The following DNAH12 variants were observed in gnomAD, a reference collection of about 807,000 sequenced individuals.
DNAH12 encodes the protein dynein axonemal heavy chain 12.
In DNAH12, 285 loss-of-function variants were observed where a neutral mutation model predicts 371.5. The observed-to-expected ratio is 0.77, with a 90% confidence interval of 0.70 to 0.85. The LOEUF (loss-of-function observed/expected upper bound fraction) is 0.85. Ranked by LOEUF, DNAH12 falls within the 40% of genes least tolerant of loss-of-function variation. The pLI is 0.00. For missense variants in DNAH12, 3,611 were observed against 3,689.4 expected, an observed-to-expected ratio of 0.98 and a Z score of 0.55; for synonymous variants, 1,200 against 1,213.0, an observed-to-expected ratio of 0.99 and a Z score of 0.22.
At chr3:57,335,170 G>A (rs190936138) in intron 60 of DNAH12, among the ~76,000 whole-genome samples, 80 of 152,268 alleles carry the variant, frequency 5.3e-4, no homozygotes, top group African/African-American at 1.3e-3. Context: ...GGTGATCCCC[G>A]TTCCTCAGCA....
At chr3:57,509,340 CT>C in intron 5 of DNAH12, 128 bp from the exon 6 acceptor site, 1 of 842,496 alleles carries the variant, frequency 1.2e-6, no homozygotes, top group Non-Finnish European at 1.8e-6. Flanking sequence ...GAAAAAACTC[CT>C]TTATTTGAAA....
At chr3:57,299,489 CAA>C (rs1046202105) in intron 70 of DNAH12, among the ~76,000 whole-genome samples, 1 of 144,676 alleles carries the variant, frequency 6.9e-6, no homozygotes, top group Admixed American at 6.8e-5. Context: ...AGGCAGTGTG[CAA>C]AAAGTTTTTT....
rs1399169338 is a variant in DNAH12 at position 57,421,593 on chromosome 3, G to C, written c.5487C>G (p.Asn1829Lys). The change falls in exon 36 of 74, where the codon AAC becomes AAG. Residue 1829 changes from asparagine to lysine, a missense_variant. By Grantham distance (94) the Asn-to-Lys change is moderately conservative. Around this residue, in one of 3 missense-constraint regions of DNAH12, gnomAD observed 2,266 missense variants for 2,236.9 expected, o/e 1.01. Transcript: ENST00000495027. ...ATTTACCCACAGAATCTGGCACTGG[G>C]TTTTCATCATCTTTTCCCAGTATGA... ...RLIILGKDDENPVPDSVGKWE... is the reference protein window; with the variant it reads ...RLIILGKDDEKPVPDSVGKWE... 1.9e-5 allele frequency: 29 copies of C among 1,551,424 alleles called. No homozygotes were observed. The highest frequency in any genetic ancestry group is 2.1e-5 in the Non-Finnish European group (24 of 1,146,988).
intron 13 of DNAH12, among the ~76,000 whole-genome samples, chr3:57,479,463 A>G (rs1261428369): frequency 6.6e-6 from 1 of 152,154 alleles, no homozygotes; most frequent in African/African-American, 2.4e-5. Flanking sequence ...CTCCCACACA[A>G]TAATAATGGG....
chr3:57,419,752 C>G (rs2064507963), intron 36 of DNAH12, among the ~76,000 whole-genome samples: 1 of 152,036 alleles, frequency 6.6e-6, no homozygotes, highest in Admixed American at 6.5e-5. Flanking sequence ...TTTCAATTTT[C>G]ATTTTTAATA....
At chr3:57,535,516 C>T (rs1328978524) in intron 2 of DNAH12, among the ~76,000 whole-genome samples, 4 of 152,048 alleles carry the variant, frequency 2.6e-5, no homozygotes, top group Admixed American at 2.6e-4. Context: ...GCTAAATAAA[C>T]CTCTATTTTT....
chr3:57,346,036 G>C (rs1259710799), intron 60 of DNAH12, among the ~76,000 whole-genome samples: 2 of 152,038 alleles, frequency 1.3e-5, no homozygotes, highest in Non-Finnish European at 2.9e-5. Context: ...CAAATAGCTA[G>C]AAGAGAGAAT....
At chr3:57,442,595 A>G (rs1197529654) in intron 29 of DNAH12, among the ~76,000 whole-genome samples, 1 of 152,240 alleles carries the variant, frequency 6.6e-6, no homozygotes, top group Admixed American at 6.5e-5. Flanking sequence ...AGTAAAACAA[A>G]TACAGAACCC....
intron 59 of DNAH12, among the ~76,000 whole-genome samples, chr3:57,353,533 A>T (rs1299451677): frequency 6.6e-6 from 1 of 152,134 alleles, no homozygotes; most frequent in Non-Finnish European, 1.5e-5. Context: ...AAAATTTTTA[A>T]AAACTAAACT....
At chr3:57,401,393 C>CAAAAA in intron 43 of DNAH12, among the ~76,000 whole-genome samples, 1 of 120,078 alleles carries the variant, frequency 8.3e-6, no homozygotes, top group Admixed American at 8.4e-5. Context: ...TACTAAAATA[C>CAAAAA]AAAAAAAAAA....
intron 2 of DNAH12, among the ~76,000 whole-genome samples, chr3:57,538,499 T>G (rs537791965): frequency 1.3e-5 from 2 of 152,218 alleles, no homozygotes; most frequent in African/African-American, 4.8e-5. Context: ...TGATTTGTGT[T>G]GAGATCCCTC....
rs182182247 is a variant in DNAH12 at position 57,508,142 on chromosome 3, G to A, written c.701+240C>T. Among the ~76,000 whole-genome samples, 159 of 143,778 alleles carry A rather than the reference G, an allele frequency of 1.1e-3. 1 individual carries two copies. The highest frequency in any genetic ancestry group is 4.1e-3 in the Middle Eastern group (1 of 244). The allele number at this position is 143,778 out of a possible 152,430, so 94.3% of individuals were successfully genotyped here. ...ACAAAGCTTGCAGTGAGCCAAGATC[G>A]CACCATTGCACTCCAGCCTGGATGA... On this transcript the variant is annotated intron_variant, in intron 7 of 73. Coordinates refer to ENST00000495027, the MANE Select transcript of DNAH12 (RefSeq NM_001366028.2).
chr3:57,523,949 A>C (rs1427023097), intron 2 of DNAH12, 65 bp from the exon 3 acceptor site: 1 of 1,207,778 alleles, frequency 8.3e-7, no homozygotes, highest in East Asian at 2.5e-5. Context: ...AAAACATTAC[A>C]ATTTAAGCAT....
intron 35 of DNAH12, among the ~76,000 whole-genome samples, chr3:57,423,115 A>T (rs1480136624): frequency 1.3e-5 from 2 of 152,112 alleles, no homozygotes; most frequent in African/African-American, 4.8e-5. Flanking sequence ...TTTGAATTTT[A>T]CTCTAGGTAC....
At chr3:57,321,297 T>TA (rs2061799939) in intron 65 of DNAH12, among the ~76,000 whole-genome samples, 1 of 152,146 alleles carries the variant, frequency 6.6e-6, no homozygotes, top group African/African-American at 2.4e-5. Flanking sequence ...AGAACTAGGG[T>TA]ACACAGAAAG....
intron 69 of DNAH12, among the ~76,000 whole-genome samples, chr3:57,307,243 G>T (rs2061491700): frequency 6.6e-6 from 1 of 151,980 alleles, no homozygotes; most frequent in African/African-American, 2.4e-5. Flanking sequence ...TAGATACCTG[G>T]TTTTGCCAAA....
intron 13 of DNAH12, among the ~76,000 whole-genome samples, chr3:57,474,716 T>G (rs2066469540): frequency 6.6e-6 from 1 of 152,150 alleles, no homozygotes. Context: ...CCCAACACTT[T>G]GGGAGGCCAA....
intron 35 of DNAH12, among the ~76,000 whole-genome samples, chr3:57,424,059 T>C (rs774603710): frequency 8.5e-5 from 13 of 152,170 alleles, no homozygotes; most frequent in Non-Finnish European, 1.9e-4. Flanking sequence ...CTTTCATAGC[T>C]AGCTTTTATG....
intron 5 of DNAH12, 22 bp downstream of exon 5, chr3:57,510,768 G>A (rs1192707930): frequency 6.2e-7 from 1 of 1,606,994 alleles, no homozygotes; most frequent in Admixed American, 1.7e-5. Flanking sequence ...AAGAAGCCTG[G>A]TGTGTGTTAG....
Sources: gnomAD v4.1 joint callset for allele counts (sites outside exome capture counted in the v4.1 genomes callset) on GRCh38, gnomAD v4.1.1 for gene constraint, gnomAD v4.1.1 regional missense constraint, MANE v1.5 for transcripts, NCBI Gene and HGNC (gene_info 2026-07-23, HGNC 2026-07-21) for gene names.